The following LRRC7 variants were observed in gnomAD, a reference collection of about 807,000 sequenced individuals.
LRRC7 encodes the protein leucine-rich repeat-containing protein 7.
A neutral mutation model predicts 175.7 loss-of-function variants in LRRC7; 23 were observed. That is an observed-to-expected ratio of 0.13 (90% confidence interval 0.09 to 0.19). The LOEUF is 0.19. LRRC7 is among the 10% of genes least tolerant of loss of function. The probability of loss-of-function intolerance (pLI) is 1.00; values close to 1 mark genes in which losing one functional copy is unlikely to be tolerated. For synonymous variants in LRRC7, 685 were observed against 680.9 expected (o/e 1.01, Z -0.09); for missense variants, 1,354 against 1,904.7 (o/e 0.71, Z 5.38).
intron 2 of LRRC7, among the ~76,000 whole-genome samples, chr1:69,703,468 G>T (rs1029551718): frequency 8.6e-5 from 13 of 151,674 alleles, no homozygotes; most frequent in Non-Finnish European, 1.5e-4. Context: ...TTTCATATTT[G>T]TATTCAGAGT....
chr1:69,634,622 T>C (rs968792389), intron 1 of LRRC7, among the ~76,000 whole-genome samples: 1 of 152,156 alleles, frequency 6.6e-6, no homozygotes, highest in Non-Finnish European at 1.5e-5. Context: ...TAACTATGAA[T>C]TCCATTAGAT....
At chr1:69,664,459 G>A (rs6672341) in intron 1 of LRRC7, among the ~76,000 whole-genome samples, 31,528 of 151,988 alleles carry the variant, frequency 0.21, 3,424 homozygotes, top group South Asian at 0.28. Context: ...TCCACATCTC[G>A]CCAGCATTTG....
intron 1 of LRRC7, among the ~76,000 whole-genome samples, chr1:69,677,050 T>A (rs768473140): frequency 1.3e-5 from 2 of 151,902 alleles, no homozygotes; most frequent in Non-Finnish European, 2.9e-5. Context: ...TTTTTGTTCC[T>A]GAGTTACTTC....
chr1:69,979,172 A>T (rs1045545509), intron 8 of LRRC7, among the ~76,000 whole-genome samples: 1 of 152,178 alleles, frequency 6.6e-6, no homozygotes, highest in Non-Finnish European at 1.5e-5. Flanking sequence ...CCCATCCTGG[A>T]TCAATCTCTG....
Position 69,816,817 on chromosome 1 carries a change from G to C in LRRC7, c.422-8931G>C, listed in dbSNP as rs184437314. Among the ~76,000 whole-genome samples, 49 of 152,098 alleles carry C rather than the reference G, an allele frequency of 3.2e-4. No individual in the cohort carries two copies. In the East Asian group the frequency reaches 5.8e-3, roughly 18 times the overall value. On this transcript the variant is annotated intron_variant, in intron 4 of 26. Coordinates refer to ENST00000651989, the MANE Select transcript of LRRC7 (RefSeq NM_001370785.2). ...ACCTCCTCATTACCCGCACTCCCCAGCACCTGGTAACAACTATTCTACTCT... is the reference window on the plus strand; with the variant it reads ...ACCTCCTCATTACCCGCACTCCCCACCACCTGGTAACAACTATTCTACTCT...
chr1:70,013,122 G>C (rs2101955116), intron 13 of LRRC7, 33 bp downstream of exon 13: 1 of 1,301,800 alleles, frequency 7.7e-7, no homozygotes, highest in East Asian at 2.6e-5. Flanking sequence ...TCACATATTA[G>C]TTATTTGCTG....
intron 1 of LRRC7, among the ~76,000 whole-genome samples, chr1:69,594,370 C>T (rs962714703): frequency 4.6e-5 from 7 of 152,112 alleles, no homozygotes; most frequent in Non-Finnish European, 2.9e-5. Flanking sequence ...ATTATAGTAA[C>T]TTTTAGTGTT....
At chr1:69,746,310 A>C (rs2100876382) in intron 2 of LRRC7, among the ~76,000 whole-genome samples, 1 of 152,060 alleles carries the variant, frequency 6.6e-6, no homozygotes, top group South Asian at 2.1e-4. Context: ...CTTTGGGTCA[A>C]GTTTTTAGGC....
chr1:69,928,879 G>T (rs571830163), intron 7 of LRRC7, among the ~76,000 whole-genome samples: 9 of 152,348 alleles, frequency 5.9e-5, no homozygotes, highest in African/African-American at 1.9e-4. Flanking sequence ...TGGAAATGCA[G>T]AAATCACCCG....
intron 9 of LRRC7, among the ~76,000 whole-genome samples, chr1:69,984,227 A>T (rs1375435522): frequency 6.6e-6 from 1 of 152,080 alleles, no homozygotes; most frequent in Non-Finnish European, 1.5e-5. Context: ...CCCAGCAGAG[A>T]TTATACATTT....
At chr1:69,591,903 C>T (rs977348303) in intron 1 of LRRC7, among the ~76,000 whole-genome samples, 2 of 152,042 alleles carry the variant, frequency 1.3e-5, no homozygotes, top group African/African-American at 4.8e-5. Flanking sequence ...CATATCATTT[C>T]TTCTTTTATT....
intron 1 of LRRC7, among the ~76,000 whole-genome samples, chr1:69,588,217 T>C (rs1646480410): frequency 6.6e-6 from 1 of 152,194 alleles, no homozygotes; most frequent in Admixed American, 6.5e-5. Context: ...ACTGACCATG[T>C]TATATTTTAA....
intron 3 of LRRC7, among the ~76,000 whole-genome samples, chr1:69,769,891 T>C (rs990720701): frequency 1.3e-5 from 2 of 152,176 alleles, no homozygotes; most frequent in Non-Finnish European, 2.9e-5. Context: ...TTTTTTTTTA[T>C]TGTAGGCCAG....
chr1:69,853,577 C>T (rs1317596318), intron 7 of LRRC7, among the ~76,000 whole-genome samples: 1 of 151,820 alleles, frequency 6.6e-6, no homozygotes, highest in Non-Finnish European at 1.5e-5. Flanking sequence ...GCACCCTGCC[C>T]ATTTGTTCCT....
rs1444346631 is a variant in LRRC7 at position 69,781,717 on chromosome 1, AAGAAAGAAAGAAAGAAAG to A, written c.304-10322_304-10305del. ...AAAGAAAGAAAGAAAGAAAGAAAGA[AAGAAAGAAAGAAAGAAAG>A]AGAGAGAGAGAGAGAGAGAGAGAGA... On this transcript the variant is annotated intron_variant, in intron 3 of 26. Coordinates refer to ENST00000651989, the MANE Select transcript of LRRC7 (RefSeq NM_001370785.2). Among the ~76,000 whole-genome samples the A allele has an allele frequency of 5.2e-4, 17 of 32,466 alleles. No homozygotes were observed. In the South Asian group the frequency reaches 5.3e-3, roughly 10 times the overall value. The allele number at this position is 32,466 out of a possible 152,430, so 21.3% of individuals were successfully genotyped here.
intron 2 of LRRC7, among the ~76,000 whole-genome samples, chr1:69,749,954 G>A (rs1338090546): frequency 1.3e-5 from 2 of 151,812 alleles, no homozygotes; most frequent in African/African-American, 2.4e-5. Context: ...CCAGCTATTC[G>A]GGAGGCTGAG....
At chr1:70,095,501 T>C (rs1664321540) in intron 25 of LRRC7, among the ~76,000 whole-genome samples, 1 of 152,182 alleles carries the variant, frequency 6.6e-6, no homozygotes, top group African/African-American at 2.4e-5. Context: ...GAAACATTGG[T>C]AGAGATGAAA....
chr1:70,090,845 G>A (rs1318451858), intron 25 of LRRC7, among the ~76,000 whole-genome samples: 1 of 152,004 alleles, frequency 6.6e-6, no homozygotes, highest in Non-Finnish European at 1.5e-5. Context: ...CATTACTCTG[G>A]AGCTTTCTGT....
chr1:69,867,483 G>C (rs142703683), intron 7 of LRRC7, among the ~76,000 whole-genome samples: 17 of 152,264 alleles, frequency 1.1e-4, no homozygotes, highest in African/African-American at 3.8e-4. Flanking sequence ...CATTAAGCTA[G>C]GAGTGACATC....
Sources: gnomAD v4.1 joint callset for allele counts (sites outside exome capture counted in the v4.1 genomes callset) on GRCh38, gnomAD v4.1.1 for gene constraint, MANE v1.5 for transcripts, NCBI Gene and HGNC (gene_info 2026-07-23, HGNC 2026-07-21) for gene names.